Variants in AGBL1 observed in about 807,000 individuals in gnomAD.
AGBL1 encodes cytosolic carboxypeptidase 4.
A neutral mutation model predicts 118.9 loss-of-function variants in AGBL1; 130 were observed. The ratio of observed to expected loss-of-function variants is 1.09; its 90% CI spans 0.95 to 1.26. The LOEUF is 1.26. AGBL1 is among the 50% of genes most tolerant of loss of function. The probability of loss-of-function intolerance (pLI) is 0.00; values close to 1 mark genes in which losing one functional copy is unlikely to be tolerated. For synonymous variants in AGBL1, 555 were observed against 478.9 expected (o/e 1.16, Z -2.08); for missense variants, 1,584 against 1,298.1 (o/e 1.22, Z -3.38).
chr15:86,695,817 A>C (rs562957580), intron 22 of AGBL1, among the ~76,000 whole-genome samples: 63 of 152,100 alleles, frequency 4.1e-4, no homozygotes, highest in African/African-American at 1.5e-3. Context: ...CAGTTCAAAT[A>C]ACTTTTTAAT....
chr15:86,627,161 C>T (rs1268003501), intron 21 of AGBL1, among the ~76,000 whole-genome samples: 3 of 152,094 alleles, frequency 2.0e-5, no homozygotes, highest in South Asian at 2.1e-4. Flanking sequence ...CCACCACCCC[C>T]AGCTAATTTT....
intron 17 of AGBL1, among the ~76,000 whole-genome samples, chr15:86,348,388 C>T (rs1182970222): frequency 6.6e-6 from 1 of 152,236 alleles, no homozygotes; most frequent in African/African-American, 2.4e-5. Context: ...CTCTTCTGAG[C>T]TCTGCAGGGC....
intron 21 of AGBL1, among the ~76,000 whole-genome samples, chr15:86,569,491 C>T (rs886441919): frequency 6.6e-6 from 1 of 151,524 alleles, no homozygotes; most frequent in African/African-American, 2.4e-5. Flanking sequence ...TATGTTGACA[C>T]TCTGTCATTC....
chr15:86,632,445 A>C (rs961890081), intron 21 of AGBL1, among the ~76,000 whole-genome samples: 1 of 152,066 alleles, frequency 6.6e-6, no homozygotes, highest in Non-Finnish European at 1.5e-5. Context: ...CTCTGTCTCA[A>C]CAACAAAAAA....
At chr15:86,657,903 C>A (rs2085486434) in intron 21 of AGBL1, among the ~76,000 whole-genome samples, 1 of 151,516 alleles carries the variant, frequency 6.6e-6, no homozygotes, top group Non-Finnish European at 1.5e-5. Context: ...TTTAGGGGAG[C>A]TAAGTTAGGG....
chr15:86,249,732 T>G (rs1292787219), intron 7 of AGBL1, among the ~76,000 whole-genome samples: 2 of 152,144 alleles, frequency 1.3e-5, no homozygotes, highest in Non-Finnish European at 1.5e-5. Flanking sequence ...ATTTCTCTGT[T>G]CTGTGCTAAA....
At chr15:86,827,432 C>T (rs7166806) in intron 22 of AGBL1, among the ~76,000 whole-genome samples, 3,771 of 7,442 alleles carry the variant, frequency 0.51, 1,626 homozygotes, top group Non-Finnish European at 0.66. Context: ...TATATATACA[C>T]ATATATATAT....
At chr15:86,738,546 T>G (rs1236634613) in intron 22 of AGBL1, among the ~76,000 whole-genome samples, 1 of 152,210 alleles carries the variant, frequency 6.6e-6, no homozygotes, top group Non-Finnish European at 1.5e-5. Context: ...AATACAGATT[T>G]ACATACAAAG....
chr15:86,664,530 A>G (rs1037397180), intron 21 of AGBL1, among the ~76,000 whole-genome samples: 1 of 152,182 alleles, frequency 6.6e-6, no homozygotes, highest in Non-Finnish European at 1.5e-5. Flanking sequence ...AAAGGTTCTG[A>G]GAATGTTTGG....
chr15:86,986,584 T>C (rs1441743913), intron 23 of AGBL1, among the ~76,000 whole-genome samples: 1 of 151,972 alleles, frequency 6.6e-6, no homozygotes, highest in African/African-American at 2.4e-5. Context: ...GGGAGGAAGA[T>C]GTAGAGGAGT....
chr15:86,681,877 C>T lies in AGBL1; in HGVS notation c.3158+7441C>T, dbSNP rs77109394. Among the ~76,000 whole-genome samples the T allele has an allele frequency of 1.6e-4, 25 of 152,120 alleles. No individual in the cohort carries two copies. The East Asian group carries it at 4.8e-3, about 29-fold the overall frequency. ...AGAAGTGAATGAAGATGGAAAGTGC[C>T]CTACTAATGTCTATGGGCCAAAATG... On this transcript the variant is annotated intron_variant, in intron 22 of 22. Coordinates refer to ENST00000614907, the MANE Select transcript of AGBL1 (RefSeq NM_001386094.1).
chr15:86,180,659 C>T (rs1453474281), intron 5 of AGBL1, among the ~76,000 whole-genome samples: 2 of 152,020 alleles, frequency 1.3e-5, no homozygotes, highest in African/African-American at 2.4e-5. Flanking sequence ...AATTTATAAA[C>T]AATTGATAAA....
chr15:87,012,420 A>G (rs1343910005), intron 24 of AGBL1, among the ~76,000 whole-genome samples: 3 of 152,304 alleles, frequency 2.0e-5, no homozygotes, highest in East Asian at 3.9e-4. Flanking sequence ...AACCTCAATT[A>G]CTGAATATAT....
chr15:86,234,278 A>T (rs956552281), intron 6 of AGBL1, among the ~76,000 whole-genome samples: 2 of 151,992 alleles, frequency 1.3e-5, no homozygotes, highest in Non-Finnish European at 2.9e-5. Flanking sequence ...CAAGGCCGAG[A>T]GCGGTGGCTC....
chr15:86,799,162 T>C (rs1196175447), intron 22 of AGBL1, among the ~76,000 whole-genome samples: 1 of 151,604 alleles, frequency 6.6e-6, no homozygotes, highest in Non-Finnish European at 1.5e-5. Flanking sequence ...TTTATTTTAT[T>C]TTATTTTACT....
At chr15:86,433,538 C>G (rs1009528988) in intron 18 of AGBL1, among the ~76,000 whole-genome samples, 1 of 152,072 alleles carries the variant, frequency 6.6e-6, no homozygotes, top group South Asian at 2.1e-4. Flanking sequence ...ACTGACAGAG[C>G]AGCAACTTTG....
chr15:86,926,325 T>C (rs775413971), intron 23 of AGBL1, among the ~76,000 whole-genome samples: 3 of 152,232 alleles, frequency 2.0e-5, no homozygotes, highest in Admixed American at 6.5e-5. Context: ...ACAAAATGAA[T>C]GCCATTCGTT....
chr15:86,662,519 C>A (rs1395584064), intron 21 of AGBL1, among the ~76,000 whole-genome samples: 1 of 152,182 alleles, frequency 6.6e-6, no homozygotes, highest in Non-Finnish European at 1.5e-5. Flanking sequence ...GTAGAGAGAT[C>A]TTGCTGGAGA....
chr15:86,371,448 A>G (rs2080969180), intron 17 of AGBL1, among the ~76,000 whole-genome samples: 1 of 152,156 alleles, frequency 6.6e-6, no homozygotes, highest in African/African-American at 2.4e-5. Flanking sequence ...TGTCCTCTGC[A>G]TGTACTTCAT....
Sources: gnomAD v4.1 joint callset for allele counts (sites outside exome capture counted in the v4.1 genomes callset) on GRCh38, gnomAD v4.1.1 for gene constraint, MANE v1.5 for transcripts, NCBI Gene and HGNC (gene_info 2026-07-23, HGNC 2026-07-21) for gene names.